DLGAP1: variants seen among roughly 807,000 people sequenced by gnomAD.
The protein encoded by DLGAP1 is disks large-associated protein 1.
A neutral mutation model predicts 90.8 loss-of-function variants in DLGAP1; 11 were observed. The observed-to-expected ratio is 0.12, with a 90% CI of 0.08 to 0.20. The LOEUF (loss-of-function observed/expected upper bound fraction) is 0.20. Ranked by LOEUF, DLGAP1 falls within the 10% of genes least tolerant of loss-of-function variation. The pLI, the probability that DLGAP1 is intolerant of heterozygous loss-of-function variation, is 1.00. For missense variants in DLGAP1, 1,050 were observed against 1,333.8 expected (o/e 0.79, Z 3.31); for synonymous variants, 558 against 540.7 (o/e 1.03, Z -0.44).
intron 2 of DLGAP1, among the ~76,000 whole-genome samples, chr18:4,054,661 AC>A (rs1476842740): frequency 6.6e-6 from 1 of 152,256 alleles, no homozygotes; most frequent in Non-Finnish European, 1.5e-5. Context: ...TACTGAAGGT[AC>A]AAGACCCAAA....
In DLGAP1 at chr18:4,455,011, C is replaced by G. The variant is rs1246372074; in HGVS notation, c.-272G>C. 6.6e-6 allele frequency: 1 copy of G among 151,448 alleles called. No homozygotes were observed. The highest frequency in any genetic ancestry group is 1.5e-5 in the Non-Finnish European group (1 of 67,864). The allele number at this position is 151,448 out of a possible 1,614,324, so 9.4% of individuals were successfully genotyped here. A position where few individuals can be genotyped will look rare whatever the true frequency, so the allele number is the denominator to read the frequency against. On this transcript the variant is annotated 5_prime_UTR_variant, in exon 1 of 13. Transcript: ENST00000315677. ...GCGGCGCAGCCCGGCGTTACCTGGC[C>G]GCGTCCCGCAGTCCGGCCCTCGCTG...
chr18:4,393,012 T>G (rs777575432), intron 1 of DLGAP1, among the ~76,000 whole-genome samples: 1 of 152,170 alleles, frequency 6.6e-6, no homozygotes, highest in Non-Finnish European at 1.5e-5. Flanking sequence ...TTGATATACA[T>G]TCTCTGCCAT....
chr18:4,186,925 T>C (rs1440691315), intron 1 of DLGAP1, among the ~76,000 whole-genome samples: 2 of 152,182 alleles, frequency 1.3e-5, no homozygotes, highest in African/African-American at 4.8e-5. Context: ...TTTGTTTGTG[T>C]CTTCTGATTT....
chr18:4,129,707 G>A (rs553011883), intron 2 of DLGAP1, among the ~76,000 whole-genome samples: 1 of 152,252 alleles, frequency 6.6e-6, no homozygotes, highest in African/African-American at 2.4e-5. Flanking sequence ...CGCCAATTTA[G>A]TACTGGCTTT....
rs115673355 is a variant in DLGAP1, at chr18:3,539,022, C to T, written c.2058-4407G>A. ...AATTAAAATGGTTTGGGATTAAAAG[C>T]GGCGCCTTTGAACTCAGGCAGCCCT... On this transcript the variant is annotated intron_variant, in intron 9 of 12. Coordinates refer to ENST00000315677, the MANE Select transcript of DLGAP1 (RefSeq NM_004746.4). Among the ~76,000 whole-genome samples the T allele has an allele frequency of 5.9e-3, 893 of 152,290 alleles. 9 individuals carry two copies. The highest frequency in any genetic ancestry group is 0.021 in the African/African-American group (854 of 41,556).
chr18:3,504,939 G>C (rs1306214889), intron 11 of DLGAP1, among the ~76,000 whole-genome samples: 1 of 152,144 alleles, frequency 6.6e-6, no homozygotes, highest in Non-Finnish European at 1.5e-5. Context: ...GCCAAGGGAG[G>C]CTGGGGTCCT....
intron 4 of DLGAP1, among the ~76,000 whole-genome samples, chr18:3,828,726 T>C (rs2067870946): frequency 6.6e-6 from 1 of 151,334 alleles, no homozygotes; most frequent in East Asian, 1.9e-4. Context: ...CATCTTTTTA[T>C]TATAATTTAC....
At chr18:3,588,160 G>A (rs1480619619) in intron 7 of DLGAP1, among the ~76,000 whole-genome samples, 1 of 152,204 alleles carries the variant, frequency 6.6e-6, no homozygotes, top group Non-Finnish European at 1.5e-5. Flanking sequence ...TTACATTTAA[G>A]AAGTTATATA....
chr18:3,651,695 G>A (rs572997025), intron 7 of DLGAP1, among the ~76,000 whole-genome samples: 1 of 151,570 alleles, frequency 6.6e-6, no homozygotes, highest in African/African-American at 2.4e-5. Context: ...TTGGGAGGCC[G>A]AGTGCAGTGG....
chr18:3,534,694 C>CT (rs570549234), intron 9 of DLGAP1, 79 bp from the exon 10 acceptor site: 182,724 of 986,422 alleles, frequency 0.19, 2,780 homozygotes, highest in Non-Finnish European at 0.2. Context: ...TCCTTTCTTT[C>CT]TTTTTTTTTT....
intron 1 of DLGAP1, among the ~76,000 whole-genome samples, chr18:4,190,500 G>A (rs1260940083): frequency 6.6e-6 from 1 of 152,080 alleles, no homozygotes; most frequent in Non-Finnish European, 1.5e-5. Flanking sequence ...AGAACACAAA[G>A]AGAACTCTAA....
intron 7 of DLGAP1, among the ~76,000 whole-genome samples, chr18:3,708,010 CTT>C (rs71368706): frequency 1.0e-4 from 15 of 145,932 alleles, no homozygotes; most frequent in African/African-American, 1.3e-4. Context: ...TTTGTAATTC[CTT>C]TTTTTTTTTT....
At chr18:3,971,213 A>G (rs906476518) in intron 3 of DLGAP1, among the ~76,000 whole-genome samples, 3 of 152,190 alleles carry the variant, frequency 2.0e-5, no homozygotes, top group African/African-American at 7.2e-5. Flanking sequence ...TCTGGCAAGA[A>G]CTTTGCAGTA....
intron 7 of DLGAP1, among the ~76,000 whole-genome samples, chr18:3,608,531 T>C (rs1489494929): frequency 6.6e-6 from 1 of 152,346 alleles, no homozygotes; most frequent in East Asian, 1.9e-4. Context: ...TTGGCACTTA[T>C]GCAGTGACTT....
chr18:3,803,575 A>G (rs2066416002), intron 5 of DLGAP1, among the ~76,000 whole-genome samples: 1 of 152,196 alleles, frequency 6.6e-6, no homozygotes, highest in African/African-American at 2.4e-5. Flanking sequence ...CCAAAGAACT[A>G]AAAGAAGGTT....
In DLGAP1 at chr18:3,741,902, A is replaced by G. The variant is rs1187698056; in HGVS notation, c.1350+433T>C. Among the ~76,000 whole-genome samples the G allele has an allele frequency of 2.7e-5, 4 of 150,692 alleles. No individual in the cohort carries two copies. In the South Asian group the frequency reaches 8.4e-4, roughly 31 times the overall value. ...ATGTCGCCCAGGCTGGAGTGCAGTG[A>G]CGTGATCTCGGTTCACTGCAACCTC... is the stretch of plus-strand genomic sequence containing the variant. On this transcript the variant is annotated intron_variant, in intron 6 of 12. Coordinates refer to ENST00000315677, the MANE Select transcript of DLGAP1 (RefSeq NM_004746.4).
At chr18:4,224,705 A>G (rs546719775) in intron 1 of DLGAP1, among the ~76,000 whole-genome samples, 129 of 150,806 alleles carry the variant, frequency 8.6e-4, no homozygotes, top group African/African-American at 2.9e-3. Flanking sequence ...GTAGGTTCCA[A>G]AGGTATCTGT....
At chr18:3,806,392 C>T (rs565684917) in intron 5 of DLGAP1, among the ~76,000 whole-genome samples, 30 of 152,174 alleles carry the variant, frequency 2.0e-4, no homozygotes, top group South Asian at 4.2e-4. Context: ...TTCTTAGACT[C>T]GTGTGTGTGT....
intron 1 of DLGAP1, among the ~76,000 whole-genome samples, chr18:4,214,505 A>T (rs2077911150): frequency 6.6e-6 from 1 of 152,156 alleles, no homozygotes; most frequent in African/African-American, 2.4e-5. Context: ...CAAGAAACCC[A>T]CCCTGTTGGA....
Sources: allele counts gnomAD v4.1 joint callset (sites outside exome capture counted in the v4.1 genomes callset), GRCh38; gene constraint gnomAD v4.1.1; transcripts MANE v1.5; gene names NCBI Gene and HGNC (gene_info 2026-07-23, HGNC 2026-07-21).